The following ZNF385D variants were observed in gnomAD, a reference collection of about 807,000 sequenced individuals.
ZNF385D encodes the protein zinc finger protein 659.
In ZNF385D, 15 loss-of-function variants were observed where a neutral mutation model predicts 35.8. The observed-to-expected ratio is 0.42, with a 90% CI of 0.28 to 0.64. The LOEUF is 0.64. Among genes scored for constraint, ZNF385D ranks in the 30% least tolerant of loss-of-function variants. ZNF385D has a pLI of 0.23. For synonymous variants in ZNF385D, 212 were observed against 186.8 expected, an observed-to-expected ratio of 1.13 and a Z score of -1.10; for missense variants, 474 against 494.6, an observed-to-expected ratio of 0.96 and a Z score of 0.39.
At chr3:21,456,368 A>T (rs1013216110) in intron 4 of ZNF385D, among the ~76,000 whole-genome samples, 2 of 152,234 alleles carry the variant, frequency 1.3e-5, no homozygotes, top group African/African-American at 4.8e-5. Context: ...TGGGTTAAGA[A>T]AACGTGGCAC....
chr3:22,279,505 T>TATATATGTATATACATATACATATGTAC (rs1559495406), intron 2 of ZNF385D, among the ~76,000 whole-genome samples: 30 of 138,628 alleles, frequency 2.2e-4, no homozygotes, highest in Non-Finnish European at 4.2e-4. Flanking sequence ...CATATGTACA[T>TATATATGTATATACATATACATATGTAC]ATATATGTAT....
At chr3:21,825,226 C>A (rs187861854) in intron 3 of ZNF385D, among the ~76,000 whole-genome samples, 12 of 152,230 alleles carry the variant, frequency 7.9e-5, no homozygotes, top group Non-Finnish European at 1.6e-4. Context: ...ATGACAAGCA[C>A]CAAAGGGACT....
intron 2 of ZNF385D, among the ~76,000 whole-genome samples, chr3:21,597,116 A>G (rs939725742): frequency 4.6e-5 from 7 of 152,194 alleles, no homozygotes; most frequent in South Asian, 4.1e-4. Flanking sequence ...CATTTTATCT[A>G]AATAGGGTTT....
intron 2 of ZNF385D, among the ~76,000 whole-genome samples, chr3:21,592,940 AG>A (rs1193348405): frequency 6.6e-6 from 1 of 152,188 alleles, no homozygotes; most frequent in African/African-American, 2.4e-5. Flanking sequence ...CACCTGCTAC[AG>A]GGCAGCAAGG....
intron 2 of ZNF385D, among the ~76,000 whole-genome samples, chr3:21,592,621 C>CA (rs1026778875): frequency 3.5e-5 from 5 of 144,144 alleles, no homozygotes; most frequent in Middle Eastern, 3.5e-3. Flanking sequence ...AAAAAGAGAA[C>CA]AAAAAAAATC....
At chr3:22,030,897 G>C (rs1697958186) in intron 3 of ZNF385D, among the ~76,000 whole-genome samples, 1 of 152,170 alleles carries the variant, frequency 6.6e-6, no homozygotes, top group African/African-American at 2.4e-5. Context: ...TGGAGGTACA[G>C]GCATTAAGTA....
chr3:22,289,798 T>A (rs954036936), intron 2 of ZNF385D, among the ~76,000 whole-genome samples: 1 of 152,076 alleles, frequency 6.6e-6, no homozygotes, highest in Non-Finnish European at 1.5e-5. Flanking sequence ...GAGTAATCGA[T>A]AGACCTGGAT....
intron 2 of ZNF385D, among the ~76,000 whole-genome samples, chr3:22,298,261 G>A (rs550167181): frequency 4.0e-5 from 6 of 151,798 alleles, no homozygotes; most frequent in Admixed American, 3.9e-4. Context: ...TTAGTCATAA[G>A]TCATAAGGTG....
chr3:22,268,956 G>A (rs947579866), intron 2 of ZNF385D, among the ~76,000 whole-genome samples: 1 of 151,638 alleles, frequency 6.6e-6, no homozygotes, highest in Non-Finnish European at 1.5e-5. Context: ...ATTCATGCCT[G>A]GTAAACAATA....
intron 3 of ZNF385D, among the ~76,000 whole-genome samples, chr3:21,841,303 G>A (rs1481044542): frequency 6.6e-6 from 1 of 151,966 alleles, no homozygotes; most frequent in Non-Finnish European, 1.5e-5. Context: ...TGGGTGTTCA[G>A]ATTACTTCCA....
chr3:21,616,069 A>G (rs1212035977), intron 2 of ZNF385D, among the ~76,000 whole-genome samples: 1 of 152,192 alleles, frequency 6.6e-6, no homozygotes, highest in Non-Finnish European at 1.5e-5. Context: ...AAATAAGCTG[A>G]AATCTATTAG....
chr3:21,947,678 A>C (rs974230486), intron 3 of ZNF385D, among the ~76,000 whole-genome samples: 1 of 152,138 alleles, frequency 6.6e-6, no homozygotes, highest in African/African-American at 2.4e-5. Flanking sequence ...GGTCATTTGC[A>C]TGACTATTTT....
At chr3:21,571,069 A>AT (rs1220489108) in intron 2 of ZNF385D, among the ~76,000 whole-genome samples, 2 of 152,118 alleles carry the variant, frequency 1.3e-5, no homozygotes, top group Non-Finnish European at 2.9e-5. Context: ...TCATTTGCAG[A>AT]TTTTTTTAAA....
At chr3:21,760,128 C>G (rs1425518807) in intron 3 of ZNF385D, among the ~76,000 whole-genome samples, 1 of 152,136 alleles carries the variant, frequency 6.6e-6, no homozygotes, top group Non-Finnish European at 1.5e-5. Context: ...CTTTGCTATG[C>G]TCAAACATAC....
intron 3 of ZNF385D, among the ~76,000 whole-genome samples, chr3:21,769,195 T>A (rs965883713): frequency 2.0e-4 from 30 of 152,016 alleles, no homozygotes; most frequent in Admixed American, 1.6e-3. Context: ...GCCCTCTCTC[T>A]CCACTCCTAT....
At chr3:21,601,916 C>G (rs1051881109) in intron 2 of ZNF385D, among the ~76,000 whole-genome samples, 1 of 152,156 alleles carries the variant, frequency 6.6e-6, no homozygotes, top group Non-Finnish European at 1.5e-5. Flanking sequence ...GGTCTTTACT[C>G]TCCATATTTT....
At chr3:21,956,080 A>G (rs1233599089) in intron 3 of ZNF385D, among the ~76,000 whole-genome samples, 1 of 151,926 alleles carries the variant, frequency 6.6e-6, no homozygotes, top group Non-Finnish European at 1.5e-5. Context: ...CCAGTACTCA[A>G]GAGGCTGAGG....
At position 21,631,318 on chromosome 3, in the gene ZNF385D, T is replaced by C. The variant is rs180915285; in HGVS notation, c.165+33568A>G. Among the ~76,000 whole-genome samples, 35 of 152,050 alleles carry C rather than the reference T, an allele frequency of 2.3e-4. 1 individual carries two copies. The Admixed American group carries it at 2.3e-3, about 10-fold the overall frequency. On this transcript the variant is annotated intron_variant, in intron 2 of 7. Transcript: ENST00000281523. ...GGCATGTCAACCCTAAACTACCTTA[T>C]AGCAATCAATATTTCCAGAACACAT...
chr3:21,836,114 G>A (rs1000693055), intron 3 of ZNF385D, among the ~76,000 whole-genome samples: 2 of 151,996 alleles, frequency 1.3e-5, no homozygotes, highest in Non-Finnish European at 2.9e-5. Flanking sequence ...GCAGATTATG[G>A]AAGCAAATTT....
Sources: allele counts gnomAD v4.1 joint callset (sites outside exome capture counted in the v4.1 genomes callset), GRCh38; gene constraint gnomAD v4.1.1; transcripts MANE v1.5; gene names NCBI Gene and HGNC (gene_info 2026-07-23, HGNC 2026-07-21).